The following NAALADL2 variants were observed in gnomAD, a reference collection of about 807,000 sequenced individuals.
NAALADL2 encodes N-acetylated alpha-linked acidic dipeptidase like 2.
Under a neutral mutation model 87.2 loss-of-function variants are expected in NAALADL2, and 76 were observed. The observed-to-expected ratio is 0.87, with a 90% confidence interval of 0.72 to 1.05. The LOEUF (loss-of-function observed/expected upper bound fraction) is 1.05, where lower values mean the gene tolerates loss of function less well. Ranked by LOEUF, NAALADL2 falls within the 50% of genes least tolerant of loss-of-function variation. The pLI is 0.00. For missense variants in NAALADL2, 1,089 were observed against 945.8 expected, an observed-to-expected ratio of 1.15 and a Z score of -1.99; for synonymous variants, 354 against 331.0, an observed-to-expected ratio of 1.07 and a Z score of -0.75.
At chr3:175,781,666 A>G (rs1307915373) in intron 13 of NAALADL2, among the ~76,000 whole-genome samples, 3 of 152,046 alleles carry the variant, frequency 2.0e-5, no homozygotes, top group Admixed American at 2.0e-4. Flanking sequence ...AAAAAAAAAA[A>G]AAAAGTTTAA....
chr3:174,496,257 C>G (rs1718530207), intron 1 of NAALADL2, among the ~76,000 whole-genome samples: 1 of 152,132 alleles, frequency 6.6e-6, no homozygotes, highest in Admixed American at 6.6e-5. Flanking sequence ...CTAGACATGT[C>G]TTAAAGCACT....
intron 2 of NAALADL2, among the ~76,000 whole-genome samples, chr3:175,135,284 T>C (rs1728931684): frequency 6.6e-6 from 1 of 152,176 alleles, no homozygotes; most frequent in Non-Finnish European, 1.5e-5. Context: ...TCAAAATCAT[T>C]TAATATACGT....
intron 9 of NAALADL2, among the ~76,000 whole-genome samples, chr3:175,482,047 G>A (rs9867206): frequency 0.6 from 91,036 of 151,148 alleles, 29,426 homozygotes; most frequent in East Asian, 0.89. Flanking sequence ...CTGAGGCGAA[G>A]CTTACAGTAC....
In NAALADL2 at chr3:175,364,692, T is replaced by C. The variant is rs576172030; in HGVS notation, c.1090+40367T>C. 1.3e-4 allele frequency among the ~76,000 whole-genome samples: 19 copies of C among 147,812 alleles called. No individual in the cohort carries two copies. The Middle Eastern group carries it at 0.01, about 82-fold the overall frequency. ...ATTAATGGAGTTCTAATCTCCATTT[T>C]TGAAGACAAAGAGACCCTTTTTTTT... On this transcript the variant is annotated intron_variant, in intron 5 of 13. Coordinates refer to ENST00000454872, the MANE Select transcript of NAALADL2 (RefSeq NM_207015.3).
At chr3:175,578,138 A>C (rs778364059) in intron 10 of NAALADL2, among the ~76,000 whole-genome samples, 1 of 152,108 alleles carries the variant, frequency 6.6e-6, no homozygotes, top group Non-Finnish European at 1.5e-5. Flanking sequence ...ATTAAAAACA[A>C]AATAAGAATA....
At chr3:174,634,743 GGATAGATACAC>G (rs1722464121) in intron 2 of NAALADL2, among the ~76,000 whole-genome samples, 1 of 151,932 alleles carries the variant, frequency 6.6e-6, no homozygotes, top group Non-Finnish European at 1.5e-5. Flanking sequence ...TCTTTATTTT[GGATAGATACAC>G]AATAGATGTG....
In NAALADL2 at chr3:175,784,882, C is replaced by T. The variant is rs1323235161; in HGVS notation, c.2190-18123C>T. On this transcript the variant is annotated intron_variant, in intron 13 of 13. Coordinates refer to ENST00000454872, the MANE Select transcript of NAALADL2 (RefSeq NM_207015.3). ...CTCTACACACTGCTTTGAATGTGTC[C>T]CAGAGATTCTGGTATGTTGTGTCTT... Among the ~76,000 whole-genome samples, 15 of 103,138 alleles carry T rather than the reference C, an allele frequency of 1.5e-4. No individual in the cohort carries two copies. The South Asian group carries it at 4.6e-3, about 32-fold the overall frequency. 67.7% of individuals were successfully genotyped at this position (103,138 alleles called of 152,430 possible).
chr3:174,992,804 A>C (rs1212074660), intron 1 of NAALADL2, among the ~76,000 whole-genome samples: 1 of 152,180 alleles, frequency 6.6e-6, no homozygotes, highest in African/African-American at 2.4e-5. Context: ...AAATATATCA[A>C]ATCTAGTCAT....
At chr3:174,519,760 A>G (rs1427437211) in intron 1 of NAALADL2, among the ~76,000 whole-genome samples, 2 of 152,130 alleles carry the variant, frequency 1.3e-5, no homozygotes, top group Non-Finnish European at 2.9e-5. Context: ...ATCTCAGTAG[A>G]TCAGAAAAAA....
At chr3:174,947,496 T>A (rs77604286) in intron 1 of NAALADL2, among the ~76,000 whole-genome samples, 6,322 of 152,230 alleles carry the variant, frequency 0.042, 449 homozygotes, top group African/African-American at 0.14. Context: ...GTATTGTAAT[T>A]TGAATTTTTA....
upstream of NAALADL2, among the ~76,000 whole-genome samples, chr3:174,854,835 C>CTTTTTTTTT (rs68116968): frequency 4.6e-3 from 513 of 111,762 alleles, no homozygotes; most frequent in Non-Finnish European, 6.1e-3. Context: ...GCTTTTTTTT[C>CTTTTTTTTT]TTTTTTTTTT....
intron 5 of NAALADL2, among the ~76,000 whole-genome samples, chr3:175,441,085 T>C (rs1353577296): frequency 6.6e-6 from 1 of 152,076 alleles, no homozygotes; most frequent in Non-Finnish European, 1.5e-5. Flanking sequence ...TATTAGTCAT[T>C]TTATAAACTA....
At chr3:174,962,416 T>TATATATATATATGTCATAGTGACTATGAC (rs1742223801) in intron 1 of NAALADL2, among the ~76,000 whole-genome samples, 1 of 59,880 alleles carries the variant, frequency 1.7e-5, no homozygotes, top group African/African-American at 3.8e-5. Flanking sequence ...CTATGACATA[T>TATATATATATATGTCATAGTGACTATGAC]ATATATATAT....
rs112062960 is a variant in NAALADL2, at chr3:174,556,744, AT to A, written c.-115+6118del. On this transcript the variant is annotated intron_variant, in intron 2 of 3. Coordinates refer to the NAALADL2 transcript ENST00000434257. ...ATAATTTTAGTAGATTTTAAAATAC[AT>A]TTTTTTTTTTCTAGAAACAGAGTCT... is the stretch of plus-strand genomic sequence containing the variant. Among the ~76,000 whole-genome samples, 1,204 of 148,340 alleles carry A rather than the reference AT, an allele frequency of 8.1e-3. 19 individuals carry two copies. Among genetic ancestry groups the A allele is most frequent in the African/African-American group, 0.027 (1,084 of 40,700 alleles).
At chr3:175,113,260 G>A (rs1335700943) in intron 2 of NAALADL2, among the ~76,000 whole-genome samples, 3 of 151,568 alleles carry the variant, frequency 2.0e-5, no homozygotes, top group African/African-American at 4.8e-5. Flanking sequence ...TGTCCCTTTC[G>A]TAGTAGCCAC....
chr3:175,568,990 T>C (rs1038961702), intron 9 of NAALADL2, among the ~76,000 whole-genome samples: 9 of 152,226 alleles, frequency 5.9e-5, no homozygotes, highest in African/African-American at 1.4e-4. Flanking sequence ...CAAATGTTAC[T>C]GGGTGCGTGG....
At chr3:175,647,927 G>A (rs749185119) in intron 11 of NAALADL2, among the ~76,000 whole-genome samples, 1 of 152,178 alleles carries the variant, frequency 6.6e-6, no homozygotes, top group Non-Finnish European at 1.5e-5. Context: ...CAGAGGCAAA[G>A]CAATTACTTT....
In NAALADL2 at chr3:174,741,591, G is replaced by C. The variant is rs578026398; in HGVS notation, c.-9+3845G>C. Among the ~76,000 whole-genome samples, 29 of 151,320 alleles carry C rather than the reference G, an allele frequency of 1.9e-4. No individual in the cohort carries two copies. In the South Asian group the frequency reaches 6.0e-3, roughly 32 times the overall value. On this transcript the variant is annotated intron_variant, in intron 3 of 3. Transcript: ENST00000434257. ...GCTTGTAGCGGTTTTCTTTCTAAAG[G>C]TATAAAAGAAAAAACAATATTCATA...
intron 5 of NAALADL2, among the ~76,000 whole-genome samples, chr3:175,346,013 A>G (rs1474704300): frequency 6.6e-6 from 1 of 152,172 alleles, no homozygotes. Context: ...TTGTTCAGGG[A>G]CAAAGGAAAT....
Sources: allele counts gnomAD v4.1 joint callset (sites outside exome capture counted in the v4.1 genomes callset), GRCh38; gene constraint gnomAD v4.1.1; transcripts MANE v1.5; gene names NCBI Gene and HGNC (gene_info 2026-07-23, HGNC 2026-07-21).